The following LRP1B variants were observed in gnomAD, a reference collection of about 807,000 sequenced individuals.
The protein encoded by LRP1B is LDL receptor related protein 1B.
Under a neutral mutation model 556.6 loss-of-function variants are expected in LRP1B, and 217 were observed. That is an observed-to-expected ratio of 0.39 (90% confidence interval 0.35 to 0.44). The LOEUF is 0.44. Among genes scored for constraint, LRP1B ranks in the 20% least tolerant of loss-of-function variants. The pLI is 1.00. For missense variants in LRP1B, 5,053 were observed against 5,620.8 expected (o/e 0.90, Z 3.23); for synonymous variants, 2,047 against 1,865.8 (o/e 1.10, Z -2.50).
At chr2:140,756,653 T>C (rs1009726479) in intron 35 of LRP1B, among the ~76,000 whole-genome samples, 6 of 152,132 alleles carry the variant, frequency 3.9e-5, no homozygotes, top group Non-Finnish European at 8.8e-5. Context: ...TATCCATATG[T>C]GTATAGCAAA....
chr2:141,648,302 CATTG>C lies in LRP1B; in HGVS notation c.205+161973_205+161976del, dbSNP rs1420132797. On this transcript the variant is annotated intron_variant, in intron 2 of 90. Coordinates refer to ENST00000389484, the MANE Select transcript of LRP1B (RefSeq NM_018557.3). ...AAGTATCAGACTATTTCACTTCTTT[CATTG>C]ATTAGAAAAAACATAAAATTATTGC... is the stretch of plus-strand genomic sequence containing the variant. Among the ~76,000 whole-genome samples, 10 of 152,164 alleles carry C rather than the reference CATTG, an allele frequency of 6.6e-5. No individual in the cohort carries two copies. In the South Asian group the frequency reaches 2.1e-3, roughly 32 times the overall value.
chr2:140,815,898 C>A (rs1319470433), intron 31 of LRP1B, among the ~76,000 whole-genome samples: 1 of 147,676 alleles, frequency 6.8e-6, no homozygotes, highest in African/African-American at 2.5e-5. Flanking sequence ...CTGAGTTCAC[C>A]AGAGTCTATT....
intron 2 of LRP1B, among the ~76,000 whole-genome samples, chr2:141,584,786 C>A (rs1687078396): frequency 6.6e-6 from 1 of 152,058 alleles, no homozygotes; most frequent in Non-Finnish European, 1.5e-5. Flanking sequence ...ATAAGCCAGT[C>A]ACAAATAATT....
At chr2:142,122,517 C>T (rs928896711) in intron 1 of LRP1B, among the ~76,000 whole-genome samples, 14 of 152,040 alleles carry the variant, frequency 9.2e-5, no homozygotes, top group African/African-American at 3.4e-4. Flanking sequence ...TGTTGTATTA[C>T]AGGACATCAA....
rs183273784 is a variant in LRP1B, at chr2:141,226,584, G to T, written c.850+2599C>A. ...GAGAAAAGCACCTAAATATAATGGG[G>T]GTGGGAGGAACTAAAGAGAATCTCT... On this transcript the variant is annotated intron_variant, in intron 6 of 90. Coordinates refer to ENST00000389484, the MANE Select transcript of LRP1B (RefSeq NM_018557.3). 8.0e-3 allele frequency among the ~76,000 whole-genome samples: 1,221 copies of T among 152,142 alleles called. 7 individuals carry two copies. Among genetic ancestry groups the T allele is most frequent in the Non-Finnish European group, 0.012 (847 of 68,000 alleles).
intron 1 of LRP1B, among the ~76,000 whole-genome samples, chr2:141,897,282 AAAAAT>A (rs886195720): frequency 2.0e-5 from 3 of 152,198 alleles, no homozygotes; most frequent in African/African-American, 4.8e-5. Flanking sequence ...CAAAATAAGA[AAAAAT>A]AAAATAAAAC....
chr2:141,300,618 T>A (rs1328352769), intron 3 of LRP1B, among the ~76,000 whole-genome samples: 1 of 152,164 alleles, frequency 6.6e-6, no homozygotes, highest in African/African-American at 2.4e-5. Flanking sequence ...CTTGGTGCTA[T>A]CATCCCTAAA....
chr2:140,735,175 A>G (rs544702054), intron 35 of LRP1B, among the ~76,000 whole-genome samples: 1 of 152,120 alleles, frequency 6.6e-6, no homozygotes, highest in Non-Finnish European at 1.5e-5. Context: ...CATCCACACG[A>G]TGTGCAATTG....
chr2:140,562,241 G>T (rs1379278503), intron 43 of LRP1B, among the ~76,000 whole-genome samples: 4 of 152,084 alleles, frequency 2.6e-5, no homozygotes, highest in African/African-American at 9.7e-5. Flanking sequence ...AAAGACAGCT[G>T]CAGATATTTT....
At chr2:141,314,830 G>GTATATATATATATA (rs1429208067) in intron 3 of LRP1B, among the ~76,000 whole-genome samples, 3 of 124,316 alleles carry the variant, frequency 2.4e-5, no homozygotes, top group Non-Finnish European at 4.9e-5. Flanking sequence ...ATATATATGT[G>GTATATATATATATA]TATATATATA....
chr2:141,349,413 C>G (rs943697362), intron 3 of LRP1B, among the ~76,000 whole-genome samples: 1 of 151,890 alleles, frequency 6.6e-6, no homozygotes, highest in Non-Finnish European at 1.5e-5. Flanking sequence ...AAAATCAATA[C>G]GAAGGACCAG....
At chr2:140,717,236 A>T (rs1687244759) in intron 35 of LRP1B, among the ~76,000 whole-genome samples, 1 of 152,096 alleles carries the variant, frequency 6.6e-6, no homozygotes, top group South Asian at 2.1e-4. Flanking sequence ...TACTAGGGAA[A>T]ATCAACTCAA....
chr2:141,796,959 G>C lies in LRP1B; in HGVS notation c.205+13320C>G, dbSNP rs913128075. ...GACAGTAGTAAAAGAAAGATTGGAT[G>C]AAAAAATTCTAAAAGGTAGACTGTC... On this transcript the variant is annotated intron_variant, in intron 2 of 90. Transcript: ENST00000389484. Among the ~76,000 whole-genome samples, 21 of 151,242 alleles carry C rather than the reference G, an allele frequency of 1.4e-4. 1 individual carries two copies. Among genetic ancestry groups the C allele is most frequent in the Non-Finnish European group, 2.7e-4 (18 of 67,670 alleles).
At chr2:140,934,722 G>A (rs1044513102) in intron 20 of LRP1B, among the ~76,000 whole-genome samples, 17 of 152,048 alleles carry the variant, frequency 1.1e-4, no homozygotes, top group Admixed American at 3.9e-4. Context: ...GTCACTGACC[G>A]CAAAGGTGCA....
chr2:141,874,881 C>A (rs1698705908), intron 1 of LRP1B, among the ~76,000 whole-genome samples: 1 of 151,856 alleles, frequency 6.6e-6, no homozygotes, highest in African/African-American at 2.4e-5. Flanking sequence ...ACACTAAGAA[C>A]TTTATACATT....
intron 7 of LRP1B, among the ~76,000 whole-genome samples, chr2:141,177,012 C>T (rs1219574497): frequency 1.3e-5 from 2 of 152,022 alleles, no homozygotes. Flanking sequence ...AGACAGAGAC[C>T]ACATTTTCTA....
chr2:140,839,628 G>A (rs74914298), intron 31 of LRP1B, among the ~76,000 whole-genome samples: 1 of 152,142 alleles, frequency 6.6e-6, no homozygotes. Flanking sequence ...CAGGCCTTTG[G>A]CTACAGACTG....
intron 2 of LRP1B, among the ~76,000 whole-genome samples, chr2:141,706,147 T>C (rs1692129003): frequency 6.6e-6 from 1 of 152,018 alleles, no homozygotes; most frequent in Non-Finnish European, 1.5e-5. Flanking sequence ...CTATCATGCT[T>C]CCCTCCAATG....
chr2:141,777,170 C>T (rs1164440693), intron 2 of LRP1B, among the ~76,000 whole-genome samples: 2 of 152,122 alleles, frequency 1.3e-5, no homozygotes, highest in Non-Finnish European at 2.9e-5. Context: ...ACAAACAGTA[C>T]AGATATGGTG....
Sources: gnomAD v4.1 joint callset for allele counts (sites outside exome capture counted in the v4.1 genomes callset) on GRCh38, gnomAD v4.1.1 for gene constraint, MANE v1.5 for transcripts, NCBI Gene and HGNC (gene_info 2026-07-23, HGNC 2026-07-21) for gene names.